The following CDK8 variants were observed in gnomAD, a reference collection of about 807,000 sequenced individuals.
CDK8 encodes the protein cyclin-dependent kinase 8.
In CDK8, 29 loss-of-function variants were observed where a neutral mutation model predicts 71.5. The ratio of observed to expected loss-of-function variants is 0.41; its 90% CI spans 0.30 to 0.55. The LOEUF (loss-of-function observed/expected upper bound fraction) is 0.55, where lower values mean the gene tolerates loss of function less well. Among genes scored for constraint, CDK8 ranks in the 20% least tolerant of loss-of-function variants. CDK8 has a pLI of 0.37. For missense variants in CDK8, 288 were observed against 572.6 expected, an observed-to-expected ratio of 0.50 and a Z score of 5.07; for synonymous variants, 161 against 192.1, an observed-to-expected ratio of 0.84 and a Z score of 1.34.
At chr13:26,283,093 C>T (rs1448711700) in intron 1 of CDK8, among the ~76,000 whole-genome samples, 1 of 152,130 alleles carries the variant, frequency 6.6e-6, no homozygotes, top group Non-Finnish European at 1.5e-5. Flanking sequence ...GGATAGATGG[C>T]AACACAATAA....
chr13:26,347,180 TAAATA>T (rs1490511533), intron 2 of CDK8, among the ~76,000 whole-genome samples: 1 of 152,166 alleles, frequency 6.6e-6, no homozygotes, highest in Non-Finnish European at 1.5e-5. Context: ...CAAAATATTT[TAAATA>T]AAATAACATC....
At chr13:26,268,053 G>A (rs1378313302) in intron 1 of CDK8, among the ~76,000 whole-genome samples, 2 of 152,120 alleles carry the variant, frequency 1.3e-5, no homozygotes, top group East Asian at 3.9e-4. Context: ...CCAGGCCTGG[G>A]CCAGACTCTT....
intron 1 of CDK8, among the ~76,000 whole-genome samples, chr13:26,271,271 C>T (rs1031598774): frequency 2.0e-5 from 3 of 152,034 alleles, no homozygotes; most frequent in East Asian, 3.9e-4. Flanking sequence ...GGGATACTTT[C>T]TGAGAAATGC....
chr13:26,269,630 A>G (rs138580621), intron 1 of CDK8, among the ~76,000 whole-genome samples: 8 of 152,304 alleles, frequency 5.3e-5, no homozygotes, highest in African/African-American at 1.9e-4. Context: ...CAATGCAAGC[A>G]AAAAATACTG....
At chr13:26,268,256 A>C (rs1323617860) in intron 1 of CDK8, among the ~76,000 whole-genome samples, 1 of 116,792 alleles carries the variant, frequency 8.6e-6, no homozygotes, top group African/African-American at 3.5e-5. Context: ...CCCCTCCCCC[A>C]ACACACACAC....
chr13:26,255,092 GT>G lies in CDK8; in HGVS notation c.128+334del, dbSNP rs901544434. Among the ~76,000 whole-genome samples the G allele has an allele frequency of 4.4e-4, 61 of 138,338 alleles. No individual in the cohort carries two copies. In the Middle Eastern group the frequency reaches 0.011, roughly 24 times the overall value. 90.8% of individuals were successfully genotyped at this position (138,338 alleles called of 152,430 possible). On this transcript the variant is annotated intron_variant, in intron 1 of 12. Transcript: ENST00000381527. ...TAAAACGCCGGGTTAAATGTTTTTT[GT>G]TTTTTTTTTTCCTTGGTCGATTTAT...
chr13:26,307,171 G>A (rs1296177710), intron 1 of CDK8, among the ~76,000 whole-genome samples: 1 of 152,100 alleles, frequency 6.6e-6, no homozygotes, highest in Admixed American at 6.5e-5. Flanking sequence ...CCCCAACCAT[G>A]TTCTAATCCC....
intron 4 of CDK8, among the ~76,000 whole-genome samples, chr13:26,374,127 G>C (rs964736211): frequency 3.3e-5 from 5 of 151,962 alleles, no homozygotes; most frequent in Non-Finnish European, 7.4e-5. Context: ...CGTGAACCTG[G>C]GAGGCGGAGC....
intron 3 of CDK8, among the ~76,000 whole-genome samples, chr13:26,350,858 CAG>C (rs1392964401): frequency 6.6e-6 from 1 of 152,110 alleles, no homozygotes; most frequent in Non-Finnish European, 1.5e-5. Flanking sequence ...CAGTATTTTG[CAG>C]TTTACTAAGC....
At chr13:26,283,338 G>A (rs1090999) in intron 1 of CDK8, among the ~76,000 whole-genome samples, 126,142 of 152,234 alleles carry the variant, frequency 0.83, 53,975 homozygotes, top group East Asian at 0.99. Context: ...GGCTGGGCAC[G>A]GTGGCTCATG....
At chr13:26,353,032 T>TTAGATCAC (rs1260467714) in intron 3 of CDK8, among the ~76,000 whole-genome samples, 5 of 152,206 alleles carry the variant, frequency 3.3e-5, no homozygotes, top group Non-Finnish European at 7.3e-5. Context: ...TTTCCTGCAA[T>TTAGATCAC]TTAAGAGTGA....
At chr13:26,326,279 G>A (rs1875014128) in intron 1 of CDK8, among the ~76,000 whole-genome samples, 2 of 152,236 alleles carry the variant, frequency 1.3e-5, no homozygotes, top group African/African-American at 4.8e-5. Flanking sequence ...TGGTTTGATT[G>A]CATATTTTAG....
At chr13:26,267,858 C>T (rs957422528) in intron 1 of CDK8, among the ~76,000 whole-genome samples, 1 of 152,176 alleles carries the variant, frequency 6.6e-6, no homozygotes, top group East Asian at 1.9e-4. Context: ...GGATGATACA[C>T]TGGCAGAAAG....
intron 2 of CDK8, among the ~76,000 whole-genome samples, chr13:26,347,909 A>G (rs1873526099): frequency 6.6e-6 from 1 of 152,166 alleles, no homozygotes; most frequent in South Asian, 2.1e-4. Context: ...CAGAGCAATC[A>G]TTTGATCCAG....
At chr13:26,402,486 A>G (rs1412947826) in intron 12 of CDK8, among the ~76,000 whole-genome samples, 1 of 152,242 alleles carries the variant, frequency 6.6e-6, no homozygotes, top group East Asian at 1.9e-4. Flanking sequence ...AAAGAGAGAG[A>G]GAAAGAGATG....
chr13:26,354,865 A>C (rs968905893), intron 4 of CDK8, among the ~76,000 whole-genome samples: 3 of 152,096 alleles, frequency 2.0e-5, no homozygotes, highest in Non-Finnish European at 4.4e-5. Flanking sequence ...CTAAACTTCA[A>C]ATTGCCCTTT....
chr13:26,335,204 A>G (rs1872925499), intron 1 of CDK8, among the ~76,000 whole-genome samples: 1 of 152,056 alleles, frequency 6.6e-6, no homozygotes. Context: ...CGTATGTCTC[A>G]TTCACCCCTC....
rs77938112 is a variant in CDK8, at chr13:26,388,575, A to G, written c.646+3233A>G. Among the ~76,000 whole-genome samples the G allele has an allele frequency of 6.8e-3, 1,033 of 152,326 alleles. 8 individuals carry two copies. Among genetic ancestry groups the G allele is most frequent in the Middle Eastern group, 0.024 (7 of 294 alleles). On this transcript the variant is annotated intron_variant, in intron 6 of 12. Coordinates refer to ENST00000381527, the MANE Select transcript of CDK8 (RefSeq NM_001260.3). Reference sequence around the variant, plus strand: ...ATTTCCTATTCACTGAACACCTGAGACTTGAATTTATTTAAATTGAGTAAA... The same window carrying G: ...ATTTCCTATTCACTGAACACCTGAGGCTTGAATTTATTTAAATTGAGTAAA...
chr13:26,284,827 AC>A (rs1872924554), intron 1 of CDK8, among the ~76,000 whole-genome samples: 1 of 152,010 alleles, frequency 6.6e-6, no homozygotes, highest in Admixed American at 6.5e-5. Context: ...AACAACAAAA[AC>A]AAAAAGAAGG....
Sources: gnomAD v4.1 joint callset for allele counts (sites outside exome capture counted in the v4.1 genomes callset) on GRCh38, gnomAD v4.1.1 for gene constraint, MANE v1.5 for transcripts, NCBI Gene and HGNC (gene_info 2026-07-23, HGNC 2026-07-21) for gene names.